The following C8A variants were observed in gnomAD, a reference collection of about 807,000 sequenced individuals.
C8A encodes complement component C8 alpha chain.
A neutral mutation model predicts 65.3 loss-of-function variants in C8A; 67 were observed. The ratio of observed to expected loss-of-function variants is 1.03; its 90% CI spans 0.84 to 1.26. The LOEUF (loss-of-function observed/expected upper bound fraction) is 1.26, where lower values mean the gene tolerates loss of function less well. Ranked by LOEUF, C8A falls within the 50% of genes most tolerant of loss-of-function variation. The pLI is 0.00. For missense variants in C8A, 781 were observed against 723.9 expected, an observed-to-expected ratio of 1.08 and a Z score of -0.90; for synonymous variants, 290 against 259.4, an observed-to-expected ratio of 1.12 and a Z score of -1.13.
At chr1:56,905,382 T>C (rs1259893938) in intron 7 of C8A, among the ~76,000 whole-genome samples, 1 of 152,190 alleles carries the variant, frequency 6.6e-6, no homozygotes, top group Non-Finnish European at 1.5e-5. Flanking sequence ...ATTTAGGACT[T>C]ATGACTTCTA....
intron 7 of C8A, among the ~76,000 whole-genome samples, chr1:56,892,939 G>A (rs1046816131): frequency 6.6e-6 from 1 of 152,068 alleles, no homozygotes; most frequent in Non-Finnish European, 1.5e-5. Context: ...GTGATTCTTG[G>A]CCTTATTGAA....
In C8A at chr1:56,854,979, G is replaced by C; in HGVS notation, c.77+1G>C. On this transcript the variant is annotated splice_donor_variant, in intron 1 of 10. Coordinates refer to ENST00000361249, the MANE Select transcript of C8A (RefSeq NM_000562.3). LOFTEE classifies it high-confidence loss of function. The stretch of plus-strand genomic sequence containing the variant: ...TAACTGCACAGGAGAAGGTGAACCA[G>C]TAAGTGGGCCATATGTCTCTGCAAA... 1.2e-6 allele frequency: 2 copies of C among 1,612,480 alleles called. No individual in the cohort carries two copies. Among genetic ancestry groups the C allele is most frequent in the Middle Eastern group, 1.6e-4 (1 of 6,062 alleles).
chr1:56,877,446 G>A (rs2101222668), intron 4 of C8A, among the ~76,000 whole-genome samples: 1 of 152,232 alleles, frequency 6.6e-6, no homozygotes, highest in Non-Finnish European at 1.5e-5. Flanking sequence ...TGTCTGTCGA[G>A]GTGTCTATCT....
intron 1 of C8A, among the ~76,000 whole-genome samples, chr1:56,861,550 A>T (rs972301651): frequency 1.3e-5 from 2 of 152,154 alleles, no homozygotes; most frequent in Admixed American, 6.5e-5. Flanking sequence ...ACACTGCCAC[A>T]TCGGGAATCA....
chr1:56,876,033 G>C lies in C8A; in HGVS notation c.317-29G>C, dbSNP rs375887308. 4 of 1,610,356 alleles carry C rather than the reference G, an allele frequency of 2.5e-6. No homozygotes were observed. The Admixed American group carries it at 5.0e-5, about 20-fold the overall frequency. ...TGAGTCTGGAGGGAGAGGGGAACCC[G>C]AGGAGCAGCCACAGTCTCTTCTCTC... is the stretch of plus-strand genomic sequence containing the variant. On this transcript the variant is annotated intron_variant, in intron 3 of 10. Coordinates refer to ENST00000361249, the MANE Select transcript of C8A (RefSeq NM_000562.3).
chr1:56,900,796 G>C (rs1219506588), intron 7 of C8A, among the ~76,000 whole-genome samples: 1 of 152,148 alleles, frequency 6.6e-6, no homozygotes, highest in Non-Finnish European at 1.5e-5. Context: ...CACATGCCAG[G>C]CTCTGTGCAG....
chr1:56,892,342 A>T (rs1334359638), intron 7 of C8A, among the ~76,000 whole-genome samples: 1 of 152,146 alleles, frequency 6.6e-6, no homozygotes, highest in African/African-American at 2.4e-5. Flanking sequence ...TCCTCACCTA[A>T]GATTGACAAT....
intron 1 of C8A, among the ~76,000 whole-genome samples, chr1:56,864,488 G>A (rs1479220906): frequency 6.6e-6 from 1 of 152,164 alleles, no homozygotes; most frequent in Non-Finnish European, 1.5e-5. Flanking sequence ...AAGCATATAA[G>A]ATAGAAGAAC....
intron 1 of C8A, among the ~76,000 whole-genome samples, chr1:56,855,182 T>C (rs148714060): frequency 3.8e-4 from 58 of 152,362 alleles, no homozygotes; most frequent in African/African-American, 1.4e-3. Flanking sequence ...ATCACAGCTC[T>C]AATGCTTAGA....
chr1:56,867,556 T>C (rs571293292), intron 1 of C8A, 53 bp from the exon 2 acceptor site: 154 of 1,307,952 alleles, frequency 1.2e-4, no homozygotes, highest in Non-Finnish European at 1.5e-4. Context: ...AGCTTTCTCA[T>C]TTGCTTAAAT....
chr1:56,899,301 C>A (rs1241974625), intron 7 of C8A, among the ~76,000 whole-genome samples: 1 of 152,166 alleles, frequency 6.6e-6, no homozygotes, highest in East Asian at 1.9e-4. Flanking sequence ...CTTCCCAGAG[C>A]CATCCTTAGC....
chr1:56,899,232 T>C (rs1273202367), intron 7 of C8A, among the ~76,000 whole-genome samples: 1 of 152,168 alleles, frequency 6.6e-6, no homozygotes, highest in African/African-American at 2.4e-5. Flanking sequence ...TTTCCACCTC[T>C]AATATCACTG....
intron 4 of C8A, among the ~76,000 whole-genome samples, chr1:56,880,236 G>A (rs1272377149): frequency 1.3e-5 from 2 of 151,986 alleles, no homozygotes; most frequent in Non-Finnish European, 2.9e-5. Context: ...TATTTTACCT[G>A]AATATGGTAA....
chr1:56,913,989 G>A (rs992728303), intron 10 of C8A, among the ~76,000 whole-genome samples: 9 of 152,152 alleles, frequency 5.9e-5, no homozygotes, highest in African/African-American at 1.4e-4. Flanking sequence ...CTTCTCTGGC[G>A]TACCAAGATT....
chr1:56,860,506 G>C (rs1281897022), intron 1 of C8A, among the ~76,000 whole-genome samples: 1 of 152,150 alleles, frequency 6.6e-6, no homozygotes, highest in East Asian at 1.9e-4. Context: ...TTTCTCATTT[G>C]AAAAAATTTT....
intron 1 of C8A, among the ~76,000 whole-genome samples, chr1:56,860,502 A>G (rs1484485665): frequency 6.6e-6 from 1 of 152,236 alleles, no homozygotes; most frequent in African/African-American, 2.4e-5. Context: ...CTGATTTCTC[A>G]TTTGAAAAAA....
At chr1:56,915,383 C>T (rs889954649) in intron 10 of C8A, among the ~76,000 whole-genome samples, 1 of 152,116 alleles carries the variant, frequency 6.6e-6, no homozygotes, top group African/African-American at 2.4e-5. Flanking sequence ...ATTCCAGCTT[C>T]CTTGTGTGAA....
chr1:56,906,847 A>G, intron 8 of C8A, 55 bp downstream of exon 8: 1 of 1,605,654 alleles, frequency 6.2e-7, no homozygotes, highest in African/African-American at 1.3e-5. Context: ...TCCTTTGGAC[A>G]CACACTGGGA....
At chr1:56,898,200 C>A (rs1557711369) in intron 7 of C8A, among the ~76,000 whole-genome samples, 1 of 152,074 alleles carries the variant, frequency 6.6e-6, no homozygotes, top group South Asian at 2.1e-4. Flanking sequence ...GAGGCCAGGG[C>A]ATAAATGAGA....
Sources: gnomAD v4.1 joint callset for allele counts (sites outside exome capture counted in the v4.1 genomes callset) on GRCh38, gnomAD v4.1.1 for gene constraint, MANE v1.5 for transcripts, NCBI Gene and HGNC (gene_info 2026-07-23, HGNC 2026-07-21) for gene names.